The following TBC1D19 variants were observed in gnomAD, a reference collection of about 807,000 sequenced individuals.
The protein encoded by TBC1D19 is TBC1 domain family member 19.
A neutral mutation model predicts 89.0 loss-of-function variants in TBC1D19; 60 were observed. The observed-to-expected ratio is 0.67, with a 90% confidence interval of 0.55 to 0.84. The LOEUF (loss-of-function observed/expected upper bound fraction) is 0.84, where lower values mean the gene tolerates loss of function less well. Ranked by LOEUF, TBC1D19 falls within the 40% of genes least tolerant of loss-of-function variation. The pLI is 0.00. For missense variants in TBC1D19, 500 were observed against 610.8 expected (o/e 0.82, Z 1.91); for synonymous variants, 189 against 199.7 (o/e 0.95, Z 0.45).
chr4:26,814,592 TG>T, the TBC1D19 span, among the ~76,000 whole-genome samples: 1 of 152,240 alleles, frequency 6.6e-6, no homozygotes, highest in Non-Finnish European at 1.5e-5. Flanking sequence ...AGAAGCACAG[TG>T]CTTTAGTCTT....
At chr4:26,786,363 G>A in the TBC1D19 span, among the ~76,000 whole-genome samples, 2 of 152,178 alleles carry the variant, frequency 1.3e-5, no homozygotes, top group African/African-American at 2.4e-5. Flanking sequence ...AGCCGGGCAC[G>A]GTGGCTCACA....
At chr4:26,712,908 T>C (rs1288684717) in intron 13 of TBC1D19, among the ~76,000 whole-genome samples, 1 of 151,888 alleles carries the variant, frequency 6.6e-6, no homozygotes, top group Non-Finnish European at 1.5e-5. Flanking sequence ...CACTACCACA[T>C]TGGGAATCAT....
chr4:26,596,181 TC>T (rs1234326622), intron 1 of TBC1D19, among the ~76,000 whole-genome samples: 3 of 152,092 alleles, frequency 2.0e-5, no homozygotes, highest in Non-Finnish European at 4.4e-5. Flanking sequence ...GGTCTCAAAC[TC>T]CTGGCCTCAT....
the TBC1D19 span, among the ~76,000 whole-genome samples, chr4:26,791,761 G>A: frequency 6.6e-6 from 1 of 152,334 alleles, no homozygotes; most frequent in South Asian, 2.1e-4. Flanking sequence ...CTGCCATTTA[G>A]TGAACTGGGA....
the TBC1D19 span, among the ~76,000 whole-genome samples, chr4:26,780,451 G>A: frequency 6.6e-6 from 1 of 152,212 alleles, no homozygotes; most frequent in African/African-American, 2.4e-5. Flanking sequence ...AAGAGGCAAT[G>A]TGGCTCAGAG....
the TBC1D19 span, among the ~76,000 whole-genome samples, chr4:26,819,561 G>C: frequency 6.6e-6 from 1 of 152,342 alleles, no homozygotes; most frequent in East Asian, 1.9e-4. Context: ...AACAGCCACA[G>C]TCATCATCAT....
the TBC1D19 span, among the ~76,000 whole-genome samples, chr4:26,815,999 T>C: frequency 1.3e-5 from 2 of 152,160 alleles, no homozygotes; most frequent in African/African-American, 2.4e-5. Context: ...TTCAGAGGAG[T>C]TCTCTCCACA....
chr4:26,818,719 A>G, the TBC1D19 span, among the ~76,000 whole-genome samples: 2 of 152,228 alleles, frequency 1.3e-5, no homozygotes, highest in African/African-American at 4.8e-5. Flanking sequence ...AGTTGTGGCT[A>G]CAATGACGAA....
At chr4:26,817,968 T>TAAAAA in the TBC1D19 span, among the ~76,000 whole-genome samples, 89 of 119,172 alleles carry the variant, frequency 7.5e-4, 2 homozygotes, top group African/African-American at 3.3e-3. Context: ...AAACTCCATT[T>TAAAAA]AAAAAAAAAA....
the TBC1D19 span, among the ~76,000 whole-genome samples, chr4:26,827,438 C>T: frequency 1.3e-5 from 2 of 152,114 alleles, no homozygotes. Flanking sequence ...AACCTCGTCT[C>T]TACTAAAATA....
intron 7 of TBC1D19, among the ~76,000 whole-genome samples, chr4:26,649,071 T>C (rs1744148920): frequency 6.6e-6 from 1 of 152,092 alleles, no homozygotes; most frequent in African/African-American, 2.4e-5. Flanking sequence ...GTTTCCCTTG[T>C]AGTATGATTC....
the TBC1D19 span, among the ~76,000 whole-genome samples, chr4:26,796,645 G>C: frequency 6.6e-6 from 1 of 152,218 alleles, no homozygotes; most frequent in East Asian, 1.9e-4. Context: ...GCTGCAGTGA[G>C]TGATGACTAC....
At chr4:26,763,505 T>C in the TBC1D19 span, among the ~76,000 whole-genome samples, 1 of 152,214 alleles carries the variant, frequency 6.6e-6, no homozygotes. Flanking sequence ...CCTATAGCCT[T>C]GAAGCCTCCC....
chr4:26,768,543 G>T, the TBC1D19 span, among the ~76,000 whole-genome samples: 1 of 152,296 alleles, frequency 6.6e-6, no homozygotes, highest in East Asian at 1.9e-4. Flanking sequence ...ACAGATGATA[G>T]AATGTATAAG....
chr4:26,771,433 C>A, the TBC1D19 span, among the ~76,000 whole-genome samples: 1 of 152,026 alleles, frequency 6.6e-6, no homozygotes. Flanking sequence ...TGGAAACAAC[C>A]TAAATGAGTG....
intron 11 of TBC1D19, 50 bp from the exon 12 acceptor site, chr4:26,683,625 T>A: frequency 6.8e-7 from 1 of 1,472,598 alleles, no homozygotes; most frequent in Non-Finnish European, 9.4e-7. Flanking sequence ...TAAGGCTGAC[T>A]TTATAAATGT....
At chr4:26,622,024 G>C (rs979278164) in intron 4 of TBC1D19, among the ~76,000 whole-genome samples, 1 of 151,810 alleles carries the variant, frequency 6.6e-6, no homozygotes, top group East Asian at 1.9e-4. Context: ...TGTTCTCACT[G>C]ATAGGTGGGA....
At chr4:26,606,587 T>A (rs1390566127) in intron 1 of TBC1D19, among the ~76,000 whole-genome samples, 1 of 152,082 alleles carries the variant, frequency 6.6e-6, no homozygotes, top group East Asian at 1.9e-4. Flanking sequence ...TTGAGTAAGG[T>A]AGGGATGTAG....
intron 1 of TBC1D19, among the ~76,000 whole-genome samples, chr4:26,610,176 GGA>G (rs1262928514): frequency 6.6e-6 from 1 of 151,788 alleles, no homozygotes; most frequent in Admixed American, 6.6e-5. Context: ...GTATAGATTG[GGA>G]GGACATTTTT....
Sources: gnomAD v4.1 joint callset for allele counts (sites outside exome capture counted in the v4.1 genomes callset) on GRCh38, gnomAD v4.1.1 for gene constraint, MANE v1.5 for transcripts, NCBI Gene and HGNC (gene_info 2026-07-23, HGNC 2026-07-21) for gene names.